SDK2: variants seen among roughly 807,000 people sequenced by gnomAD.
SDK2 encodes sidekick cell adhesion molecule 2, also known as protein sidekick-2.
Under a neutral mutation model 253.9 loss-of-function variants are expected in SDK2, and 105 were observed. That is an observed-to-expected ratio of 0.41 (90% CI 0.35 to 0.49). The LOEUF (loss-of-function observed/expected upper bound fraction) is 0.49, where lower values mean the gene tolerates loss of function less well. Ranked by LOEUF, SDK2 falls within the 20% of genes least tolerant of loss-of-function variation. The pLI is 0.06. For missense variants in SDK2, 2,608 were observed against 3,003.0 expected (o/e 0.87, Z 3.07); for synonymous variants, 1,249 against 1,234.9 (o/e 1.01, Z -0.24).
rs545599537 is a variant in SDK2 at position 73,445,239 on chromosome 17, T to C, written c.613+2376A>G. The stretch of plus-strand genomic sequence containing the variant: ...TAATATTCTTTACATTGATTGTATG[T>C]TAAAAAGATAACTTCTTGTTATGTT... On this transcript the variant is annotated intron_variant, in intron 5 of 44. Transcript: ENST00000392650. Among the ~76,000 whole-genome samples the C allele has an allele frequency of 7.2e-5, 11 of 152,348 alleles. No individual in the cohort carries two copies. The South Asian group carries it at 1.9e-3, about 26-fold the overall frequency.
chr17:73,468,228 T>G (rs1051645608), intron 3 of SDK2, among the ~76,000 whole-genome samples: 1 of 152,218 alleles, frequency 6.6e-6, no homozygotes, highest in Non-Finnish European at 1.5e-5. Flanking sequence ...TGTGGCCTGC[T>G]TCTCTACTTC....
chr17:73,367,596 G>A (rs548232778), intron 37 of SDK2, among the ~76,000 whole-genome samples: 28 of 151,610 alleles, frequency 1.8e-4, no homozygotes, highest in Non-Finnish European at 2.4e-4. Flanking sequence ...TCCACCTCCC[G>A]GGTTCAAGTG....
At chr17:73,595,299 AAT>A (rs1277047759) in intron 1 of SDK2, among the ~76,000 whole-genome samples, 15 of 152,096 alleles carry the variant, frequency 9.9e-5, no homozygotes, top group Non-Finnish European at 2.1e-4. Flanking sequence ...GAGACAGAGA[AAT>A]AGAGTCGGGG....
In SDK2 at chr17:73,435,741, G is replaced by T; in HGVS notation, c.1001-97C>A. On this transcript the variant is annotated intron_variant, in intron 8 of 44. Transcript: ENST00000392650. The surrounding 1 kb of genome is among the most constrained non-coding windows in gnomAD (Gnocchi z 5.7). ...GGAGGCCGGGCCCGGAAATCTGCGA[G>T]GGGGTCCCTGGTGAATCTTGGTGTC... is the stretch of plus-strand genomic sequence containing the variant. The T allele has an allele frequency of 5.3e-6, 6 of 1,131,040 alleles. No homozygotes were observed. In the South Asian group the frequency reaches 9.4e-5, roughly 18 times the overall value. 70.1% of individuals were successfully genotyped at this position (1,131,040 alleles called of 1,614,324 possible).
At chr17:73,385,629 T>C (rs1229616025) in intron 32 of SDK2, among the ~76,000 whole-genome samples, 1 of 151,902 alleles carries the variant, frequency 6.6e-6, no homozygotes, top group East Asian at 1.9e-4. Flanking sequence ...ATCTAGAGAG[T>C]GTAATGAGGC....
intron 18 of SDK2, among the ~76,000 whole-genome samples, chr17:73,412,122 G>A (rs1415062765): frequency 3.3e-4 from 11 of 32,988 alleles, no homozygotes; most frequent in Non-Finnish European, 5.2e-4. Context: ...ATATGTATAC[G>A]TATATATGTG....
At chr17:73,403,136 A>G (rs2063042761) in intron 18 of SDK2, among the ~76,000 whole-genome samples, 1 of 152,166 alleles carries the variant, frequency 6.6e-6, no homozygotes, top group Non-Finnish European at 1.5e-5. Flanking sequence ...CTGAGGCTCA[A>G]AGAGGCTCAC....
intron 24 of SDK2, among the ~76,000 whole-genome samples, chr17:73,397,113 T>A (rs111432885): frequency 6.6e-6 from 1 of 152,226 alleles, no homozygotes; most frequent in Non-Finnish European, 1.5e-5. Context: ...TGTGGTCAGA[T>A]GGGCCTGGGG....
rs561994945 is a variant in SDK2, at chr17:73,467,605, G to A, written c.331+4507C>T. On this transcript the variant is annotated intron_variant, in intron 3 of 44. Transcript: ENST00000392650. This position sits in a 1 kb window ranked among gnomAD's most constrained non-coding sequence, Gnocchi z 4.1. ...CTACAGCTAGAGAGGGAGGCCCCCTGGGATGAGGCCAGTGTGTCCAGCAAG... is the reference window on the plus strand; with the variant it reads ...CTACAGCTAGAGAGGGAGGCCCCCTAGGATGAGGCCAGTGTGTCCAGCAAG... 1.3e-5 allele frequency among the ~76,000 whole-genome samples: 2 copies of A among 152,284 alleles called. No homozygotes were observed. The highest frequency in any genetic ancestry group is 3.9e-4 in the East Asian group (2 of 5,166).
intron 5 of SDK2, among the ~76,000 whole-genome samples, chr17:73,445,998 A>G (rs927148506): frequency 6.6e-6 from 1 of 152,106 alleles, no homozygotes; most frequent in Non-Finnish European, 1.5e-5. Context: ...TGACTCCCAA[A>G]GTCAGACAAG....
intron 1 of SDK2, among the ~76,000 whole-genome samples, chr17:73,512,602 G>C (rs1033859944): frequency 6.6e-6 from 1 of 151,756 alleles, no homozygotes; most frequent in African/African-American, 2.4e-5. Flanking sequence ...TTTTTAAGTA[G>C]GCAAAGTGAT....
At position 73,482,542 on chromosome 17, in the gene SDK2, G is replaced by A. The variant is rs116778704; in HGVS notation, c.225-10324C>T. ...GCCCTGCGGTCAATGAGAGGATGGC[G>A]GTGTTATCGAGCTGGGGGCCGCTAT... On this transcript the variant is annotated intron_variant, in intron 2 of 44. Coordinates refer to ENST00000392650, the MANE Select transcript of SDK2 (RefSeq NM_001144952.2). Among the ~76,000 whole-genome samples the A allele has an allele frequency of 8.8e-3, 1,338 of 152,346 alleles. 25 individuals are homozygous for A. Among genetic ancestry groups the A allele is most frequent in the African/African-American group, 0.031 (1,271 of 41,580 alleles).
chr17:73,402,258 T>G (rs1218940415), intron 18 of SDK2, 117 bp from the exon 19 acceptor site: 2 of 1,095,292 alleles, frequency 1.8e-6, no homozygotes, highest in African/African-American at 3.1e-5. Context: ...GTCCCTGTGG[T>G]GCCTCCTCCG....
intron 1 of SDK2, among the ~76,000 whole-genome samples, chr17:73,588,820 C>A (rs527595611): frequency 6.6e-6 from 1 of 152,270 alleles, no homozygotes; most frequent in Admixed American, 6.5e-5. Flanking sequence ...AGCACAGCAG[C>A]TCTGGGTGAC....
At chr17:73,422,498 C>T in intron 14 of SDK2, 64 bp from the exon 15 acceptor site, 1 of 1,558,972 alleles carries the variant, frequency 6.4e-7, no homozygotes, top group Non-Finnish European at 8.8e-7. Flanking sequence ...GCTTCTTACT[C>T]CCCACTCCCA....
intron 1 of SDK2, among the ~76,000 whole-genome samples, chr17:73,620,817 C>T (rs2046123587): frequency 6.6e-6 from 1 of 152,056 alleles, no homozygotes; most frequent in Non-Finnish European, 1.5e-5. Context: ...TAGGTAAATC[C>T]ACAGATACAG....
At chr17:73,380,975 G>A in intron 33 of SDK2, 25 bp from the exon 34 acceptor site, 1 of 1,348,326 alleles carries the variant, frequency 7.4e-7, no homozygotes. Context: ...TGCCGGGGCG[G>A]GGGCGCAGAG....
intron 2 of SDK2, among the ~76,000 whole-genome samples, chr17:73,488,207 G>A (rs991859110): frequency 3.3e-5 from 5 of 152,196 alleles, no homozygotes; most frequent in South Asian, 2.1e-4. Context: ...TAGTAGAGAC[G>A]GGGTTTCACC....
At chr17:73,538,827 G>C (rs1261649359) in intron 1 of SDK2, among the ~76,000 whole-genome samples, 1 of 152,186 alleles carries the variant, frequency 6.6e-6, no homozygotes. Flanking sequence ...CTCAGTGTCA[G>C]CACTTTCTAG....
Sources: allele counts gnomAD v4.1 joint callset (sites outside exome capture counted in the v4.1 genomes callset), GRCh38; gene constraint gnomAD v4.1.1; non-coding constraint Gnocchi (gnomAD v3.1); transcripts MANE v1.5; gene names NCBI Gene and HGNC (gene_info 2026-07-23, HGNC 2026-07-21).